The following PRKN variants were observed in gnomAD, a reference collection of about 807,000 sequenced individuals.
PRKN encodes E3 ubiquitin-protein ligase parkin.
A neutral mutation model predicts 59.5 loss-of-function variants in PRKN; 56 were observed. That is an observed-to-expected ratio of 0.94 (90% CI 0.76 to 1.18). The LOEUF (loss-of-function observed/expected upper bound fraction) is 1.18, where lower values mean the gene tolerates loss of function less well. PRKN is among the 50% of genes most tolerant of loss of function. PRKN has a pLI of 0.00. For synonymous variants in PRKN, 250 were observed against 222.1 expected (o/e 1.13, Z -1.12); for missense variants, 657 against 596.4 (o/e 1.10, Z -1.06).
At chr6:162,701,087 A>G (rs1001180646) in intron 1 of PRKN, among the ~76,000 whole-genome samples, 1 of 152,172 alleles carries the variant, frequency 6.6e-6, no homozygotes, top group Non-Finnish European at 1.5e-5. Flanking sequence ...GAATAAAGGA[A>G]TCAGTGGTGC....
Position 161,559,642 on chromosome 6 carries a change from T to TAGAA in PRKN, c.933+9712_933+9713insTTCT, listed in dbSNP as rs1455352538. The stretch of plus-strand genomic sequence containing the variant: ...GAATTCAGTATTTTCACCTCTCTTC[T>TAGAA]TTCTGCTTATTCTCTAGAAGCTCTT... On this transcript the variant is annotated intron_variant, in intron 8 of 11. Transcript: ENST00000366898. Among the ~76,000 whole-genome samples the TAGAA allele has an allele frequency of 1.1e-3, 172 of 152,262 alleles. 1 individual carries two copies. Among genetic ancestry groups the TAGAA allele is most frequent in the African/African-American group, 4.0e-3 (165 of 41,538 alleles).
chr6:161,648,138 G>T (rs969384916), intron 7 of PRKN, among the ~76,000 whole-genome samples: 2 of 152,224 alleles, frequency 1.3e-5, no homozygotes, highest in African/African-American at 4.8e-5. Flanking sequence ...TCCAGTAAAA[G>T]ATCTGATAGC....
chr6:162,576,927 G>A (rs1280857833), intron 1 of PRKN, among the ~76,000 whole-genome samples: 2 of 152,046 alleles, frequency 1.3e-5, no homozygotes, highest in Admixed American at 6.5e-5. Flanking sequence ...TTTACCATCA[G>A]GGTGGGCTCA....
chr6:162,618,120 T>A (rs1210285250), intron 1 of PRKN, among the ~76,000 whole-genome samples: 2 of 152,324 alleles, frequency 1.3e-5, no homozygotes, highest in East Asian at 3.9e-4. Flanking sequence ...AATAAATTAC[T>A]ATTACATGCC....
chr6:161,472,695 G>A (rs1222484016), intron 9 of PRKN, among the ~76,000 whole-genome samples: 1 of 152,074 alleles, frequency 6.6e-6, no homozygotes, highest in Non-Finnish European at 1.5e-5. Context: ...AGGAAGCAAC[G>A]AACAGAATCA....
chr6:161,452,192 G>T (rs1414716021), intron 9 of PRKN, among the ~76,000 whole-genome samples: 2 of 145,116 alleles, frequency 1.4e-5, no homozygotes, highest in East Asian at 3.9e-4. Flanking sequence ...GATCTCAAGT[G>T]ATCCCACCTC....
intron 6 of PRKN, among the ~76,000 whole-genome samples, chr6:161,885,402 A>AG (rs1554240642): frequency 2.6e-5 from 4 of 152,068 alleles, no homozygotes; most frequent in Non-Finnish European, 5.9e-5. Context: ...GCGGTGGCTC[A>AG]GCCTGTAATC....
In PRKN at chr6:161,392,533, C is replaced by CTA. The variant is rs536588095; in HGVS notation, c.1084-5658_1084-5657dup. On this transcript the variant is annotated intron_variant, in intron 9 of 11. Coordinates refer to ENST00000366898, the MANE Select transcript of PRKN (RefSeq NM_004562.3). ...TCTCTCTCTCTCTCTCTCTCTCTCG[C>CTA]TATATATATATACATATATAAATTC... Among the ~76,000 whole-genome samples, 17 of 149,134 alleles carry CTA rather than the reference C, an allele frequency of 1.1e-4. No homozygotes were observed. The South Asian group carries it at 1.3e-3, about 11-fold the overall frequency.
chr6:161,991,500 A>C (rs575030529), intron 5 of PRKN, among the ~76,000 whole-genome samples: 8 of 152,350 alleles, frequency 5.3e-5, no homozygotes, highest in African/African-American at 1.9e-4. Flanking sequence ...ATGTAAATGG[A>C]TTAATTTCCC....
At chr6:161,640,514 G>A (rs916372538) in intron 7 of PRKN, among the ~76,000 whole-genome samples, 4 of 152,078 alleles carry the variant, frequency 2.6e-5, no homozygotes, top group African/African-American at 4.8e-5. Flanking sequence ...AAGAGACAAC[G>A]AGATATGGAA....
At chr6:161,928,458 C>T (rs1779046535) in intron 6 of PRKN, among the ~76,000 whole-genome samples, 1 of 151,572 alleles carries the variant, frequency 6.6e-6, no homozygotes, top group Admixed American at 6.6e-5. Flanking sequence ...TTTAATATTT[C>T]TTAGCTTCAT....
In PRKN at chr6:161,430,132, A is replaced by T. The variant is rs4263565; in HGVS notation, c.1084-43255T>A. Among the ~76,000 whole-genome samples, 778 of 152,156 alleles carry T rather than the reference A, an allele frequency of 5.1e-3. 5 individuals carry two copies. Among genetic ancestry groups the T allele is most frequent in the South Asian group, 9.3e-3 (45 of 4,824 alleles). ...TCTTTTATAATGGGCCGTGAGCAGG[A>T]CTGCCATTGTCAACAGAGGGAGACA... is the stretch of plus-strand genomic sequence containing the variant. On this transcript the variant is annotated intron_variant, in intron 9 of 11. Coordinates refer to ENST00000366898, the MANE Select transcript of PRKN (RefSeq NM_004562.3).
intron 5 of PRKN, among the ~76,000 whole-genome samples, chr6:161,973,673 G>A (rs1314044071): frequency 1.3e-5 from 2 of 152,178 alleles, no homozygotes; most frequent in Non-Finnish European, 2.9e-5. Context: ...GAAATACGCT[G>A]TGACCTTCTT....
chr6:161,991,774 T>C (rs1014884127), intron 5 of PRKN, among the ~76,000 whole-genome samples: 3 of 151,352 alleles, frequency 2.0e-5, no homozygotes, highest in Non-Finnish European at 4.4e-5. Flanking sequence ...ACCCAGGAGG[T>C]GGAGCTTGCA....
At chr6:162,128,178 C>G (rs1296838240) in intron 4 of PRKN, among the ~76,000 whole-genome samples, 4 of 152,198 alleles carry the variant, frequency 2.6e-5, no homozygotes, top group Non-Finnish European at 5.9e-5. Context: ...AGAGCCATGT[C>G]TCTTCTGTTC....
chr6:162,177,356 G>C (rs1783586996), intron 4 of PRKN, among the ~76,000 whole-genome samples: 1 of 152,152 alleles, frequency 6.6e-6, no homozygotes, highest in South Asian at 2.1e-4. Context: ...AGAGATATCA[G>C]AAAGGATTTT....
rs73606888 is a variant in PRKN at position 162,016,254 on chromosome 6, T to A, written c.618+37837A>T. ...TATACATATGAATCACATACATGAA[T>A]TTAATTCAAATTAATAATAGACTCT... On this transcript the variant is annotated intron_variant, in intron 5 of 11. Coordinates refer to ENST00000366898, the MANE Select transcript of PRKN (RefSeq NM_004562.3). Among the ~76,000 whole-genome samples the A allele has an allele frequency of 7.8e-3, 1,190 of 152,310 alleles. 17 individuals are homozygous for A. Among genetic ancestry groups the A allele is most frequent in the African/African-American group, 0.026 (1,078 of 41,558 alleles).
chr6:161,399,931 T>A lies in PRKN; in HGVS notation c.1084-13054A>T, dbSNP rs539670722. ...TTTACTTAACTAAATATATTCAAAATTGTATCATTTCAACATGCAATCGAT... is the reference window on the plus strand; with the variant it reads ...TTTACTTAACTAAATATATTCAAAAATGTATCATTTCAACATGCAATCGAT... On this transcript the variant is annotated intron_variant, in intron 9 of 11. Coordinates refer to ENST00000366898, the MANE Select transcript of PRKN (RefSeq NM_004562.3). This position sits in a 1 kb window ranked among gnomAD's most constrained non-coding sequence, Gnocchi z 4.4. 6.6e-6 allele frequency among the ~76,000 whole-genome samples: 1 copy of A among 152,212 alleles called. No individual in the cohort carries two copies. Among genetic ancestry groups the A allele is most frequent in the African/African-American group, 2.4e-5 (1 of 41,442 alleles).
chr6:161,707,513 A>C (rs1471396578), intron 7 of PRKN, among the ~76,000 whole-genome samples: 4 of 152,230 alleles, frequency 2.6e-5, no homozygotes, highest in Non-Finnish European at 4.4e-5. Flanking sequence ...AATGCTCTAC[A>C]TCAAAGTGTT....
Sources: allele counts gnomAD v4.1 joint callset (sites outside exome capture counted in the v4.1 genomes callset), GRCh38; gene constraint gnomAD v4.1.1; non-coding constraint Gnocchi (gnomAD v3.1); transcripts MANE v1.5; gene names NCBI Gene and HGNC (gene_info 2026-07-23, HGNC 2026-07-21).